SOX5: variants seen among roughly 807,000 people sequenced by gnomAD.
SOX5 encodes the protein SRY-box transcription factor 5.
SOX5 carries 9 observed loss-of-function variants against 92.0 expected under a neutral mutation model. The ratio of observed to expected loss-of-function variants is 0.10; its 90% CI spans 0.06 to 0.17. SOX5 has a LOEUF of 0.17. SOX5 is among the 10% of genes least tolerant of loss of function. The pLI is 1.00. For missense variants in SOX5, 642 were observed against 944.5 expected, an observed-to-expected ratio of 0.68 and a Z score of 4.20; for synonymous variants, 344 against 336.3, an observed-to-expected ratio of 1.02 and a Z score of -0.25.
At chr12:24,041,331 T>C (rs1239665442) in intron 4 of SOX5, among the ~76,000 whole-genome samples, 1 of 152,164 alleles carries the variant, frequency 6.6e-6, no homozygotes, top group Non-Finnish European at 1.5e-5. Context: ...ATTGTCATGA[T>C]GAGGATACTG....
chr12:24,139,072 C>T (rs538121575), intron 4 of SOX5, among the ~76,000 whole-genome samples: 62 of 152,184 alleles, frequency 4.1e-4, no homozygotes, highest in African/African-American at 1.3e-3. Context: ...TGTTCCAAGT[C>T]GAATAATTAC....
chr12:24,147,264 G>A (rs943705072), intron 4 of SOX5, among the ~76,000 whole-genome samples: 2 of 152,076 alleles, frequency 1.3e-5, no homozygotes, highest in African/African-American at 4.8e-5. Context: ...ATTTATACCA[G>A]GAATGCAAGG....
intron 4 of SOX5, among the ~76,000 whole-genome samples, chr12:24,056,068 C>T (rs1164587093): frequency 2.0e-5 from 3 of 152,186 alleles, no homozygotes; most frequent in African/African-American, 7.2e-5. Flanking sequence ...TGTGCCATGA[C>T]CTCCTTTACC....
At chr12:23,848,124 C>T (rs959387205) in intron 2 of SOX5, among the ~76,000 whole-genome samples, 1 of 152,126 alleles carries the variant, frequency 6.6e-6, no homozygotes, top group African/African-American at 2.4e-5. Flanking sequence ...GCAGAAACAT[C>T]CCAATGTTAG....
intron 2 of SOX5, among the ~76,000 whole-genome samples, chr12:23,892,464 G>C (rs936427389): frequency 6.6e-6 from 1 of 152,102 alleles, no homozygotes; most frequent in African/African-American, 2.4e-5. Context: ...TTTTTCTTTT[G>C]CTAAGAAAAG....
intron 3 of SOX5, among the ~76,000 whole-genome samples, chr12:24,242,422 T>C (rs142642308): frequency 6.6e-6 from 1 of 152,314 alleles, no homozygotes; most frequent in Non-Finnish European, 1.5e-5. Context: ...TGTTTCAATG[T>C]ATGTGTCATG....
chr12:24,278,793 A>G (rs1944807826), intron 2 of SOX5, among the ~76,000 whole-genome samples: 1 of 152,142 alleles, frequency 6.6e-6, no homozygotes, highest in Admixed American at 6.6e-5. Flanking sequence ...AGTAGAATAA[A>G]GGCTGTCTAT....
At chr12:24,098,984 T>G (rs1426868295) in intron 4 of SOX5, among the ~76,000 whole-genome samples, 1 of 152,184 alleles carries the variant, frequency 6.6e-6, no homozygotes, top group Non-Finnish European at 1.5e-5. Context: ...TCATTCTTGA[T>G]CTCAGTCTTC....
intron 4 of SOX5, among the ~76,000 whole-genome samples, chr12:24,191,560 G>C (rs958310227): frequency 3.9e-5 from 6 of 152,184 alleles, no homozygotes; most frequent in African/African-American, 1.2e-4. Flanking sequence ...TGTCTGACCA[G>C]ATACGTTCCT....
chr12:24,316,268 G>C (rs1320773402), intron 2 of SOX5, among the ~76,000 whole-genome samples: 1 of 152,052 alleles, frequency 6.6e-6, no homozygotes, highest in African/African-American at 2.4e-5. Context: ...AAGGGTGGAG[G>C]GTCTATCGTG....
At chr12:24,252,938 G>C (rs1460790045) in intron 3 of SOX5, among the ~76,000 whole-genome samples, 1 of 152,068 alleles carries the variant, frequency 6.6e-6, no homozygotes, top group Admixed American at 6.6e-5. Flanking sequence ...CTGATAAATC[G>C]ATACAGCAAA....
intron 3 of SOX5, among the ~76,000 whole-genome samples, chr12:23,837,259 A>G (rs1485774361): frequency 8.9e-6 from 1 of 112,656 alleles, no homozygotes; most frequent in Non-Finnish European, 1.7e-5. Flanking sequence ...ATTTATATTT[A>G]TATAATATAT....
intron 2 of SOX5, among the ~76,000 whole-genome samples, chr12:24,363,216 C>T (rs1396984029): frequency 1.3e-5 from 2 of 152,014 alleles, no homozygotes; most frequent in Admixed American, 6.6e-5. Flanking sequence ...CCTTTTCTCT[C>T]TCACCAGACT....
At chr12:24,390,445 A>G (rs992584287) in intron 1 of SOX5, among the ~76,000 whole-genome samples, 1 of 152,184 alleles carries the variant, frequency 6.6e-6, no homozygotes, top group African/African-American at 2.4e-5. Context: ...TAATGTTTTT[A>G]TAGATTTAGG....
rs145206019 is a variant in SOX5, at chr12:24,434,294, G to A, written c.-250-65655C>T. Among the ~76,000 whole-genome samples the A allele has an allele frequency of 3.8e-3, 578 of 152,296 alleles. 5 individuals are homozygous for A. The highest frequency in any genetic ancestry group is 0.013 in the African/African-American group (538 of 41,572). ...CTTTCAAGGTACTAGGATATATAGA[G>A]AAGAAACTCATAGAGTATGAACTGA... On this transcript the variant is annotated intron_variant, in intron 1 of 4. Transcript: ENST00000446891.
rs533682662 is a variant in SOX5, at chr12:24,266,872, T to C, written c.-77+10344A>G. ...GATCAAACCTATCACAATTTTTCTT[T>C]GGTGATTATCACCTTTGGTGTAATG... On this transcript the variant is annotated intron_variant, in intron 3 of 4. Transcript: ENST00000446891. Among the ~76,000 whole-genome samples, 186 of 152,320 alleles carry C rather than the reference T, an allele frequency of 1.2e-3. 1 individual carries two copies. Among genetic ancestry groups the C allele is most frequent in the Middle Eastern group, 0.01 (3 of 294 alleles).
At position 23,915,548 on chromosome 12, in the gene SOX5, C is replaced by A. The variant is rs74465800; in HGVS notation, c.39-19524G>T. On this transcript the variant is annotated intron_variant, in intron 1 of 14. Coordinates refer to ENST00000451604, the MANE Select transcript of SOX5 (RefSeq NM_006940.6). ...TGAAGCATCCTGGGCCTTCAAATAACGTTAGTTTCAATTAAGTTTAAAACA... is the reference window on the plus strand; with the variant it reads ...TGAAGCATCCTGGGCCTTCAAATAAAGTTAGTTTCAATTAAGTTTAAAACA... Among the ~76,000 whole-genome samples, 422 of 152,190 alleles carry A rather than the reference C, an allele frequency of 2.8e-3. 9 individuals carry two copies. In the East Asian group the frequency reaches 0.07, roughly 25 times the overall value.
At chr12:24,197,502 A>T (rs942167609) in intron 4 of SOX5, among the ~76,000 whole-genome samples, 8 of 152,198 alleles carry the variant, frequency 5.3e-5, no homozygotes, top group Non-Finnish European at 1.0e-4. Flanking sequence ...TGGCTACCCA[A>T]TACCCCTTCC....
At chr12:24,294,049 G>A (rs1478783208) in intron 2 of SOX5, among the ~76,000 whole-genome samples, 1 of 152,162 alleles carries the variant, frequency 6.6e-6, no homozygotes, top group Non-Finnish European at 1.5e-5. Flanking sequence ...TCTGGAAGTC[G>A]CTGCTGCAAA....
Sources: allele counts gnomAD v4.1 joint callset (sites outside exome capture counted in the v4.1 genomes callset), GRCh38; gene constraint gnomAD v4.1.1; transcripts MANE v1.5; gene names NCBI Gene and HGNC (gene_info 2026-07-23, HGNC 2026-07-21).